FBXL7: variants seen among roughly 807,000 people sequenced by gnomAD.
The protein encoded by FBXL7 is F-box/LRR-repeat protein 7.
In FBXL7, 12 loss-of-function variants were observed where a neutral mutation model predicts 38.3. The observed-to-expected ratio is 0.31, with a 90% CI of 0.20 to 0.51. The LOEUF is 0.51. Among genes scored for constraint, FBXL7 ranks in the 20% least tolerant of loss-of-function variants. FBXL7 has a pLI of 0.98. For synonymous variants in FBXL7, 297 were observed against 300.9 expected (o/e 0.99, Z 0.13); for missense variants, 567 against 676.4 (o/e 0.84, Z 1.79).
intron 2 of FBXL7, among the ~76,000 whole-genome samples, chr5:15,761,225 C>T (rs77561360): frequency 6.2e-4 from 94 of 152,244 alleles, no homozygotes; most frequent in African/African-American, 2.1e-3. Flanking sequence ...AGTAATCTAC[C>T]GCATTAATTT....
At chr5:15,629,006 G>C (rs898571631) in intron 2 of FBXL7, among the ~76,000 whole-genome samples, 1 of 152,020 alleles carries the variant, frequency 6.6e-6, no homozygotes, top group African/African-American at 2.4e-5. Context: ...GACCAAGCAT[G>C]GTGGCTCATG....
chr5:15,804,509 AG>A (rs1561132952), intron 2 of FBXL7, among the ~76,000 whole-genome samples: 2 of 152,200 alleles, frequency 1.3e-5, no homozygotes. Context: ...AAATGTTTAC[AG>A]TTGACCATTA....
intron 1 of FBXL7, among the ~76,000 whole-genome samples, chr5:15,554,538 A>G (rs1186543335): frequency 6.6e-6 from 1 of 152,232 alleles, no homozygotes; most frequent in Non-Finnish European, 1.5e-5. Flanking sequence ...AAAACCCAGA[A>G]TAAAAGAAAG....
intron 2 of FBXL7, among the ~76,000 whole-genome samples, chr5:15,796,282 G>T (rs1737414063): frequency 6.6e-6 from 1 of 152,140 alleles, no homozygotes; most frequent in Admixed American, 6.5e-5. Flanking sequence ...AACATTAGAG[G>T]GTGGAAAACT....
chr5:15,692,711 C>T, intron 2 of FBXL7, among the ~76,000 whole-genome samples: 1 of 152,124 alleles, frequency 6.6e-6, no homozygotes, highest in East Asian at 1.9e-4. Flanking sequence ...CACAGCTCTT[C>T]TAGGGGTTGT....
chr5:15,707,613 A>T (rs1177275046), intron 2 of FBXL7, among the ~76,000 whole-genome samples: 1 of 152,162 alleles, frequency 6.6e-6, no homozygotes, highest in Non-Finnish European at 1.5e-5. Context: ...TTGGAATCAG[A>T]GGAGGAGCAG....
chr5:15,670,534 CTCACACCTGTAA>C (rs1174062495), intron 2 of FBXL7, among the ~76,000 whole-genome samples: 1 of 152,164 alleles, frequency 6.6e-6, no homozygotes, highest in Non-Finnish European at 1.5e-5. Context: ...GGCGTGGTGG[CTCACACCTGTAA>C]TCCCAGCACT....
chr5:15,771,268 T>G (rs983609455), intron 2 of FBXL7, among the ~76,000 whole-genome samples: 1 of 152,202 alleles, frequency 6.6e-6, no homozygotes, highest in Non-Finnish European at 1.5e-5. Context: ...ACACTTTCAC[T>G]CTTCACTTCT....
chr5:15,709,000 G>A (rs1579396155), intron 2 of FBXL7, among the ~76,000 whole-genome samples: 1 of 152,118 alleles, frequency 6.6e-6, no homozygotes, highest in East Asian at 1.9e-4. Context: ...GGAGTGTCCT[G>A]GAATCATACT....
At chr5:15,854,748 C>A (rs1739203793) in intron 2 of FBXL7, among the ~76,000 whole-genome samples, 1 of 152,218 alleles carries the variant, frequency 6.6e-6, no homozygotes, top group African/African-American at 2.4e-5. Flanking sequence ...ACATCCTTCA[C>A]CCATTTTTAA....
intron 2 of FBXL7, among the ~76,000 whole-genome samples, chr5:15,894,383 G>A (rs1005392887): frequency 6.6e-6 from 1 of 152,220 alleles, no homozygotes; most frequent in African/African-American, 2.4e-5. Flanking sequence ...AGCTTATAAT[G>A]TTCTAATAAC....
intron 2 of FBXL7, among the ~76,000 whole-genome samples, chr5:15,675,513 T>C (rs2126603365): frequency 6.6e-6 from 1 of 152,360 alleles, no homozygotes; most frequent in South Asian, 2.1e-4. Context: ...TCTCAGCTAA[T>C]TTTATCTACT....
chr5:15,823,400 T>A (rs757703764), intron 2 of FBXL7, among the ~76,000 whole-genome samples: 5 of 152,200 alleles, frequency 3.3e-5, no homozygotes, highest in Admixed American at 2.0e-4. Flanking sequence ...ATAATGGGTT[T>A]ATGTTTCAAA....
At chr5:15,882,219 C>G (rs530541847) in intron 2 of FBXL7, among the ~76,000 whole-genome samples, 5 of 152,184 alleles carry the variant, frequency 3.3e-5, no homozygotes. Context: ...TGGGCAGGAA[C>G]ACAGATTTAA....
At chr5:15,662,616 G>C (rs1742124817) in intron 2 of FBXL7, among the ~76,000 whole-genome samples, 1 of 152,016 alleles carries the variant, frequency 6.6e-6, no homozygotes, top group Admixed American at 6.6e-5. Context: ...TGTCTTCCAG[G>C]GTTTTTACAG....
intron 2 of FBXL7, among the ~76,000 whole-genome samples, chr5:15,772,289 A>C (rs1736749549): frequency 6.6e-6 from 1 of 152,194 alleles, no homozygotes; most frequent in African/African-American, 2.4e-5. Context: ...AGGTGCTCGC[A>C]TCCCTCATGT....
At chr5:15,555,015 G>A (rs1738189345) in intron 1 of FBXL7, among the ~76,000 whole-genome samples, 1 of 152,192 alleles carries the variant, frequency 6.6e-6, no homozygotes, top group African/African-American at 2.4e-5. Flanking sequence ...CAAAGCAATT[G>A]GACAGCATAG....
chr5:15,664,692 G>T (rs549706377), intron 2 of FBXL7, among the ~76,000 whole-genome samples: 10 of 151,654 alleles, frequency 6.6e-5, no homozygotes, highest in Admixed American at 5.9e-4. Context: ...GGATTGTCTC[G>T]ATCTCTTGAC....
chr5:15,572,599 G>C (rs886696450), intron 1 of FBXL7, among the ~76,000 whole-genome samples: 1 of 152,138 alleles, frequency 6.6e-6, no homozygotes, highest in Non-Finnish European at 1.5e-5. Context: ...ACCAGCAGGC[G>C]TAAGGGCCTG....
Sources: allele counts gnomAD v4.1 joint callset (sites outside exome capture counted in the v4.1 genomes callset), GRCh38; gene constraint gnomAD v4.1.1; transcripts MANE v1.5; gene names NCBI Gene and HGNC (gene_info 2026-07-23, HGNC 2026-07-21).